Variants in ADGRA3 observed in about 807,000 individuals in gnomAD.
ADGRA3 encodes G-protein coupled receptor 125.
A neutral mutation model predicts 119.8 loss-of-function variants in ADGRA3; 56 were observed. The ratio of observed to expected loss-of-function variants is 0.47; its 90% CI spans 0.38 to 0.58. The LOEUF (loss-of-function observed/expected upper bound fraction) is 0.58. Among genes scored for constraint, ADGRA3 ranks in the 20% least tolerant of loss-of-function variants. ADGRA3 has a pLI of 0.00. For synonymous variants in ADGRA3, 607 were observed against 623.8 expected (o/e 0.97, Z 0.40); for missense variants, 1,516 against 1,649.0 (o/e 0.92, Z 1.40).
intron 1 of ADGRA3, among the ~76,000 whole-genome samples, chr4:22,512,930 T>C (rs1009106518): frequency 6.6e-6 from 1 of 151,998 alleles, no homozygotes; most frequent in Non-Finnish European, 1.5e-5. Context: ...TCAACTAAGA[T>C]GAAGGCAAGG....
At chr4:22,398,062 A>G in intron 16 of ADGRA3, 1 of 985,216 alleles carries the variant, frequency 1.0e-6, no homozygotes, top group Non-Finnish European at 1.2e-6. Context: ...GCTATCTTCT[A>G]CACATGGATG....
At chr4:22,426,875 CCTA>C (rs1715961695) in intron 10 of ADGRA3, among the ~76,000 whole-genome samples, 1 of 152,222 alleles carries the variant, frequency 6.6e-6, no homozygotes. Flanking sequence ...AGTTCATGTT[CCTA>C]CTAACAGACA....
At chr4:22,410,412 C>T (rs542718356) in intron 14 of ADGRA3, among the ~76,000 whole-genome samples, 2 of 151,986 alleles carry the variant, frequency 1.3e-5, no homozygotes, top group Non-Finnish European at 2.9e-5. Flanking sequence ...TTTCTGGCTC[C>T]CAATGAGACC....
chr4:22,510,628 G>A (rs1257313005), intron 1 of ADGRA3, among the ~76,000 whole-genome samples: 1 of 151,948 alleles, frequency 6.6e-6, no homozygotes, highest in African/African-American at 2.4e-5. Context: ...TCCACTATTC[G>A]TCCGATACCG....
At chr4:22,396,911 A>G (rs1424474494) in intron 16 of ADGRA3, among the ~76,000 whole-genome samples, 3 of 152,192 alleles carry the variant, frequency 2.0e-5, no homozygotes, top group African/African-American at 7.2e-5. Flanking sequence ...GCGTCTTTCC[A>G]TTCATTTCCT....
At chr4:22,454,091 C>T (rs1018261115) in intron 4 of ADGRA3, among the ~76,000 whole-genome samples, 1 of 152,106 alleles carries the variant, frequency 6.6e-6, no homozygotes, top group African/African-American at 2.4e-5. Flanking sequence ...AAACTCGTGA[C>T]CTCAACTGAT....
intron 4 of ADGRA3, among the ~76,000 whole-genome samples, chr4:22,452,630 T>C (rs575249121): frequency 6.6e-6 from 1 of 152,302 alleles, no homozygotes; most frequent in East Asian, 1.9e-4. Flanking sequence ...CCAAACATTT[T>C]AGTTCTTGAC....
At position 22,388,372 on chromosome 4, in the gene ADGRA3, T is replaced by C; in HGVS notation, c.3299A>G (p.Asn1100Ser). ...PNSSAESSCTNKSASSFKNSS... is the reference protein window; with the variant it reads ...PNSSAESSCTSKSASSFKNSS... ...ATTTTTGAAGCTTGAAGCACTTTTG[T>C]TTGTGCATGAAGACTCCGCACTGCT... Residue 1100 changes from asparagine to serine, a missense_variant, in exon 19 of 19, where the codon AAC becomes AGC. Asn to Ser is a conservative substitution (Grantham distance 46, BLOSUM62 1). Coordinates refer to ENST00000334304, the MANE Select transcript of ADGRA3 (RefSeq NM_145290.4). The C allele has an allele frequency of 1.2e-6, 2 of 1,614,018 alleles. No individual in the cohort carries two copies. The highest frequency in any genetic ancestry group is 2.2e-5 in the East Asian group (1 of 44,836).
At chr4:22,453,495 C>T (rs1717134062) in intron 4 of ADGRA3, among the ~76,000 whole-genome samples, 1 of 152,200 alleles carries the variant, frequency 6.6e-6, no homozygotes, top group African/African-American at 2.4e-5. Context: ...GAAATCTCTT[C>T]CCTTACTGTA....
At chr4:22,415,934 A>T (rs1715411831) in intron 12 of ADGRA3, among the ~76,000 whole-genome samples, 1 of 152,178 alleles carries the variant, frequency 6.6e-6, no homozygotes, top group Non-Finnish European at 1.5e-5. Flanking sequence ...GGCTTCTAAA[A>T]TATCCTTCCA....
chr4:22,490,092 C>A (rs1327038672), intron 1 of ADGRA3, among the ~76,000 whole-genome samples: 2 of 152,040 alleles, frequency 1.3e-5, no homozygotes, highest in Non-Finnish European at 2.9e-5. Flanking sequence ...ATTTTCAATT[C>A]TTTATTTAGC....
intron 1 of ADGRA3, among the ~76,000 whole-genome samples, chr4:22,510,806 G>A (rs1719424513): frequency 6.6e-6 from 1 of 151,624 alleles, no homozygotes; most frequent in African/African-American, 2.4e-5. Context: ...TCTCTCCCCT[G>A]TTTGGGCTTC....
chr4:22,388,652 C>T lies in ADGRA3; in HGVS notation c.3019G>A (p.Val1007Ile), dbSNP rs1560291142. The T allele has an allele frequency of 9.3e-6, 15 of 1,613,978 alleles. No homozygotes were observed. Among genetic ancestry groups the T allele is most frequent in the Non-Finnish European group, 1.2e-5 (14 of 1,179,968 alleles). Residue 1007 changes from valine to isoleucine, a missense_variant, in exon 19 of 19, where the codon GTT becomes ATT. Physicochemically the swap from Val to Ile is conservative, Grantham distance 29 (BLOSUM62 3). Coordinates refer to ENST00000334304, the MANE Select transcript of ADGRA3 (RefSeq NM_145290.4). Reference sequence around the variant, plus strand: ...AAAGCCCCAAACATCCACAGTGCAACATATAAGAGCAAAGTAAGGCTGGCC... The same window carrying T: ...AAAGCCCCAAACATCCACAGTGCAATATATAAGAGCAAAGTAAGGCTGGCC... ...LGASLTLLLY[V>I]ALWMFGALAV... is the part of the protein sequence containing the mutation.
chr4:22,396,974 C>T (rs539198725), intron 16 of ADGRA3, among the ~76,000 whole-genome samples: 21 of 152,196 alleles, frequency 1.4e-4, no homozygotes, highest in African/African-American at 4.6e-4. Flanking sequence ...TACTTTTAGA[C>T]ACAATGAAGA....
At chr4:22,444,851 A>G in intron 6 of ADGRA3, 122 bp downstream of exon 6, 1 of 926,496 alleles carries the variant, frequency 1.1e-6, no homozygotes, top group Non-Finnish European at 1.6e-6. Context: ...CAAATCCATA[A>G]TGATTACTGG....
chr4:22,418,838 G>C (rs921281767), intron 12 of ADGRA3, among the ~76,000 whole-genome samples: 2 of 152,202 alleles, frequency 1.3e-5, no homozygotes, highest in African/African-American at 4.8e-5. Flanking sequence ...ATGGTGAAAA[G>C]AGAGGTCTGG....
chr4:22,459,463 C>T lies in ADGRA3; in HGVS notation c.401+2274G>A, dbSNP rs191615849. ...ACAAACCTGCACTTGTACCCCTGAA[C>T]TAAAAAGTTAAAAAAAAAAATAAAG... On this transcript the variant is annotated intron_variant, in intron 3 of 18. Coordinates refer to ENST00000334304, the MANE Select transcript of ADGRA3 (RefSeq NM_145290.4). Among the ~76,000 whole-genome samples the T allele has an allele frequency of 2.2e-4, 33 of 150,866 alleles. No homozygotes were observed. In the East Asian group the frequency reaches 2.7e-3, roughly 12 times the overall value.
intron 1 of ADGRA3, among the ~76,000 whole-genome samples, chr4:22,506,871 T>C (rs1003737656): frequency 1.7e-4 from 26 of 152,174 alleles, no homozygotes; most frequent in Admixed American, 1.7e-3. Context: ...AATTATATTG[T>C]TTTACATTAA....
At chr4:22,396,469 C>A (rs1297114562) in intron 16 of ADGRA3, among the ~76,000 whole-genome samples, 4 of 152,178 alleles carry the variant, frequency 2.6e-5, no homozygotes, top group African/African-American at 9.7e-5. Flanking sequence ...ACTTAACTAG[C>A]CTGACCCATT....
Sources: gnomAD v4.1 joint callset for allele counts (sites outside exome capture counted in the v4.1 genomes callset) on GRCh38, gnomAD v4.1.1 for gene constraint, MANE v1.5 for transcripts, NCBI Gene and HGNC (gene_info 2026-07-23, HGNC 2026-07-21) for gene names.